NLGN4X: variants seen among roughly 807,000 people sequenced by gnomAD.
NLGN4X encodes neuroligin-4, X-linked.
A neutral mutation model predicts 40.3 loss-of-function variants in NLGN4X; 3 were observed. That is an observed-to-expected ratio of 0.07 (90% CI 0.03 to 0.19). NLGN4X has a LOEUF of 0.19. NLGN4X is among the 10% of genes least tolerant of loss of function. The probability of loss-of-function intolerance (pLI) is 1.00; values close to 1 mark genes in which losing one functional copy is unlikely to be tolerated. For synonymous variants in NLGN4X, 270 were observed against 306.8 expected, an observed-to-expected ratio of 0.88 and a Z score of 1.25; for missense variants, 382 against 708.3, an observed-to-expected ratio of 0.54 and a Z score of 5.23.
At chrX:6,052,118 C>T (rs778173637) in intron 2 of NLGN4X, among the ~76,000 whole-genome samples, 1 of 109,146 alleles carries the variant, frequency 9.2e-6, no homozygotes, top group South Asian at 4.4e-4. Context: ...AATCCTACAA[C>T]CAAAATAAAC....
chrX:6,106,510 T>C (rs1390874767), intron 2 of NLGN4X, among the ~76,000 whole-genome samples: 5 of 111,679 alleles, frequency 4.5e-5, no homozygotes, highest in African/African-American at 6.5e-5. Context: ...ATAAAAATCC[T>C]CTATGATCCA....
At chrX:6,041,353 G>A (rs1315223952) in intron 2 of NLGN4X, among the ~76,000 whole-genome samples, 1 of 111,924 alleles carries the variant, frequency 8.9e-6, no homozygotes, top group Non-Finnish European at 1.9e-5. Context: ...GCTCGGCTTT[G>A]AGATGGTTCC....
chrX:6,021,043 T>TCCCC (rs3045344), intron 3 of NLGN4X, among the ~76,000 whole-genome samples: 1 of 20,061 alleles, frequency 5.0e-5, no homozygotes, highest in African/African-American at 2.5e-4. Flanking sequence ...TCTCTCTCTC[T>TCCCC]CTCTCCCTCC....
intron 3 of NLGN4X, among the ~76,000 whole-genome samples, chrX:5,960,507 T>C (rs765288890): frequency 2.0e-4 from 22 of 111,908 alleles, no homozygotes; most frequent in Non-Finnish European, 3.4e-4. Flanking sequence ...TTAGGTATAA[T>C]GAGCTGCAGG....
At chrX:5,972,200 T>C (rs1384056326) in intron 3 of NLGN4X, among the ~76,000 whole-genome samples, 1 of 110,894 alleles carries the variant, frequency 9.0e-6, no homozygotes, top group Non-Finnish European at 1.9e-5. Context: ...TGTTTGTGTG[T>C]GCATGTGTGT....
In NLGN4X at chrX:6,197,292, T is replaced by C. The variant is rs141777752; in HGVS notation, c.-306+31249A>G. On this transcript the variant is annotated intron_variant, in intron 1 of 5. Coordinates refer to ENST00000381095, the MANE Select transcript of NLGN4X (RefSeq NM_181332.3). ...GATGATCAGCCATTTGTACTCATAT[T>C]TATCTGTTGCCTAGACTGGAGTGCA... 3.0e-4 allele frequency among the ~76,000 whole-genome samples: 33 copies of C among 110,534 alleles called. No homozygotes were observed. The East Asian group carries it at 9.0e-3, about 30-fold the overall frequency.
intron 3 of NLGN4X, among the ~76,000 whole-genome samples, chrX:5,916,631 G>T (rs1193411217): frequency 9.0e-6 from 1 of 110,582 alleles, no homozygotes; most frequent in Non-Finnish European, 1.9e-5. Context: ...TGTATATTTT[G>T]TAGAGATGGG....
At chrX:6,077,270 TTGTG>T (rs201491267) in intron 2 of NLGN4X, among the ~76,000 whole-genome samples, 43 of 78,192 alleles carry the variant, frequency 5.5e-4, no homozygotes, top group East Asian at 2.6e-3. Context: ...AAATTTTATT[TTGTG>T]TGTGTGTGTG....
intron 5 of NLGN4X, among the ~76,000 whole-genome samples, chrX:5,898,389 G>A (rs1471722659): frequency 5.1e-5 from 5 of 98,798 alleles, no homozygotes; most frequent in African/African-American, 1.5e-4. Flanking sequence ...CCTTTTCTCC[G>A]CCATGCACAT....
chrX:6,110,003 A>C (rs2039112063), intron 2 of NLGN4X, among the ~76,000 whole-genome samples: 2 of 110,651 alleles, frequency 1.8e-5, no homozygotes, highest in South Asian at 7.8e-4. Flanking sequence ...AGCAGCAGAA[A>C]AACGCTTTCC....
chrX:5,909,015 AG>A, intron 4 of NLGN4X, 38 bp downstream of exon 4: 2 of 1,197,600 alleles, frequency 1.7e-6, no homozygotes, highest in Non-Finnish European at 2.3e-6. Context: ...TTCTTGGTTC[AG>A]GGTATTTGCC....
chrX:6,088,576 G>A (rs897352591), intron 2 of NLGN4X, among the ~76,000 whole-genome samples: 6 of 111,736 alleles, frequency 5.4e-5, no homozygotes, highest in Non-Finnish European at 3.8e-5. Flanking sequence ...TTAAGAACAG[G>A]ATTATTATAC....
intron 2 of NLGN4X, among the ~76,000 whole-genome samples, chrX:6,112,039 T>C (rs1329961925): frequency 8.9e-6 from 1 of 112,078 alleles, no homozygotes; most frequent in East Asian, 2.8e-4. Context: ...AATACTTATA[T>C]GCTAAAATGT....
chrX:6,168,056 G>A (rs927926770), intron 1 of NLGN4X, among the ~76,000 whole-genome samples: 4 of 111,902 alleles, frequency 3.6e-5, no homozygotes, highest in Admixed American at 9.5e-5. Flanking sequence ...GCTATTTCTA[G>A]ACCTCCTATT....
intron 3 of NLGN4X, among the ~76,000 whole-genome samples, chrX:5,997,586 G>GTGTATATATATACACATA (rs2035856606): frequency 6.4e-5 from 3 of 46,827 alleles, no homozygotes; most frequent in Admixed American, 2.8e-4. Context: ...GTGTGTGTGT[G>GTGTATATATATACACATA]TATATATATA....
intron 1 of NLGN4X, among the ~76,000 whole-genome samples, chrX:6,175,655 GAAAAAA>G (rs3045369): frequency 1.6e-5 from 1 of 60,993 alleles, no homozygotes; most frequent in Non-Finnish European, 2.9e-5. Context: ...ATCTATTACA[GAAAAAA>G]AAAAAAAAAA....
chrX:6,207,934 A>C (rs1042480415), intron 1 of NLGN4X, among the ~76,000 whole-genome samples: 3 of 112,195 alleles, frequency 2.7e-5, no homozygotes, highest in Non-Finnish European at 5.6e-5. Context: ...GGTTAATAAT[A>C]CATCTTTTAA....
At position 6,003,327 on chromosome X, in the gene NLGN4X, T is replaced by A. The variant is rs1006005684; in HGVS notation, c.625+25953A>T. Reference sequence around the variant, plus strand: ...TATGACCATTGCCAAGCAATCCAGATGTCTGTTACCTAGGTTTTGCTCTAA... The same window carrying A: ...TATGACCATTGCCAAGCAATCCAGAAGTCTGTTACCTAGGTTTTGCTCTAA... On this transcript the variant is annotated intron_variant, in intron 3 of 5. Transcript: ENST00000381095. Among the ~76,000 whole-genome samples, 29 of 112,359 alleles carry A rather than the reference T, an allele frequency of 2.6e-4. No individual in the cohort carries two copies. The Admixed American group carries it at 2.6e-3, about 10-fold the overall frequency.
chrX:5,914,618 GTATATA>G (rs10616173), intron 3 of NLGN4X, among the ~76,000 whole-genome samples: 74 of 102,471 alleles, frequency 7.2e-4, no homozygotes, highest in African/African-American at 2.3e-3. Context: ...ATATATGTAT[GTATATA>G]TATATATATA....
Sources: gnomAD v4.1 joint callset for allele counts (sites outside exome capture counted in the v4.1 genomes callset) on GRCh38, gnomAD v4.1.1 for gene constraint, MANE v1.5 for transcripts, NCBI Gene and HGNC (gene_info 2026-07-23, HGNC 2026-07-21) for gene names.